The following ATRN variants were observed in gnomAD, a reference collection of about 807,000 sequenced individuals.
The protein encoded by ATRN is attractin.
In ATRN, 54 loss-of-function variants were observed where a neutral mutation model predicts 178.7. The ratio of observed to expected loss-of-function variants is 0.30; its 90% CI spans 0.24 to 0.38. The LOEUF (loss-of-function observed/expected upper bound fraction) is 0.38, where lower values mean the gene tolerates loss of function less well. ATRN is among the 10% of genes least tolerant of loss of function. The probability of loss-of-function intolerance (pLI) is 1.00; values close to 1 mark genes in which losing one functional copy is unlikely to be tolerated. For synonymous variants in ATRN, 636 were observed against 663.0 expected (o/e 0.96, Z 0.63); for missense variants, 1,443 against 1,815.1 (o/e 0.79, Z 3.73).
At chr20:3,562,623 G>C (rs2085971374) in intron 9 of ATRN, among the ~76,000 whole-genome samples, 164 bp downstream of exon 9, 1 of 152,202 alleles carries the variant, frequency 6.6e-6, no homozygotes, top group South Asian at 2.1e-4. Flanking sequence ...AAAGTAGCTA[G>C]TATTTATTTT....
intron 1 of ATRN, among the ~76,000 whole-genome samples, chr20:3,477,706 G>A (rs1024311857): frequency 2.0e-5 from 3 of 151,922 alleles, no homozygotes; most frequent in Non-Finnish European, 4.4e-5. Context: ...CCAGTGCAAT[G>A]TAAGTTCCAT....
intron 25 of ATRN, among the ~76,000 whole-genome samples, chr20:3,628,682 A>G (rs965500846): frequency 1.5e-4 from 23 of 152,026 alleles, no homozygotes; most frequent in Admixed American, 6.6e-5. Flanking sequence ...GAGGCTGGGA[A>G]TGTAACCCCA....
intron 1 of ATRN, chr20:3,489,724 A>G (rs2084756853): frequency 3.8e-6 from 6 of 1,574,192 alleles, no homozygotes; most frequent in Admixed American, 1.7e-5. Context: ...GGGATGCCCA[A>G]ACACCTCATG....
chr20:3,640,569 A>G (rs1439589073), intron 27 of ATRN, among the ~76,000 whole-genome samples: 7 of 152,252 alleles, frequency 4.6e-5, no homozygotes, highest in Non-Finnish European at 1.0e-4. Flanking sequence ...TCATAATGAA[A>G]TTGTATAACT....
intron 23 of ATRN, among the ~76,000 whole-genome samples, chr20:3,602,170 A>C (rs1432400606): frequency 1.3e-5 from 2 of 151,980 alleles, no homozygotes; most frequent in Non-Finnish European, 2.9e-5. Context: ...TCTCTACTAA[A>C]AATACAAAAA....
intron 11 of ATRN, 79 bp from the exon 12 acceptor site, chr20:3,572,652 T>TA (rs11475024): frequency 5.8e-3 from 5,945 of 1,032,254 alleles, no homozygotes; most frequent in Non-Finnish European, 7.1e-3. Flanking sequence ...CCCTGTCTCT[T>TA]AAAAAAAAAA....
intron 25 of ATRN, among the ~76,000 whole-genome samples, chr20:3,630,799 C>T (rs374092095): frequency 4.0e-4 from 61 of 151,508 alleles, no homozygotes; most frequent in African/African-American, 1.4e-3. Context: ...TTTTTCTAGA[C>T]GATGTTTACT....
At chr20:3,623,466 A>G (rs2086912621) in intron 24 of ATRN, among the ~76,000 whole-genome samples, 1 of 152,214 alleles carries the variant, frequency 6.6e-6, no homozygotes, top group Non-Finnish European at 1.5e-5. Context: ...GCCATCAAAA[A>G]AGCAAACAGT....
At chr20:3,597,580 CA>C (rs1568754669) in intron 21 of ATRN, among the ~76,000 whole-genome samples, 1 of 152,112 alleles carries the variant, frequency 6.6e-6, no homozygotes, top group Non-Finnish European at 1.5e-5. Flanking sequence ...TGGTTAAACA[CA>C]TGAAAAAAAC....
intron 3 of ATRN, among the ~76,000 whole-genome samples, chr20:3,541,038 AAAC>A (rs2085611366): frequency 6.6e-6 from 1 of 150,946 alleles, no homozygotes; most frequent in Admixed American, 6.6e-5. Context: ...TTGGAATTCA[AAAC>A]TATCTCTAGT....
intron 24 of ATRN, among the ~76,000 whole-genome samples, chr20:3,622,841 G>C (rs578188863): frequency 6.6e-6 from 1 of 152,334 alleles, no homozygotes; most frequent in South Asian, 2.1e-4. Context: ...CATGAACATG[G>C]AGTGGTCCTG....
intron 18 of ATRN, among the ~76,000 whole-genome samples, chr20:3,585,737 A>C (rs1472690735): frequency 6.6e-6 from 1 of 152,242 alleles, no homozygotes; most frequent in East Asian, 1.9e-4. Flanking sequence ...TAACTCTTAA[A>C]ACTCAACAAT....
chr20:3,582,378 G>A lies in ATRN; in HGVS notation c.2764+24G>A, dbSNP rs775867458. 41 of 1,601,702 alleles carry A rather than the reference G, an allele frequency of 2.6e-5. No individual in the cohort carries two copies. The South Asian group carries it at 4.3e-4, about 17-fold the overall frequency. On this transcript the variant is annotated intron_variant, in intron 16 of 28. Coordinates refer to ENST00000262919, the MANE Select transcript of ATRN (RefSeq NM_139321.3). ...TGGTAAGTTCACAGGTGAATTAGGT[G>A]GTATTCAGAGTTTATTGTGAGAGAA...
intron 18 of ATRN, among the ~76,000 whole-genome samples, chr20:3,589,623 C>T (rs1300317354): frequency 6.6e-6 from 1 of 152,038 alleles, no homozygotes; most frequent in Non-Finnish European, 1.5e-5. Flanking sequence ...GGTTAATCCT[C>T]AAGGTTAATT....
chr20:3,601,687 A>G (rs1217090604), intron 23 of ATRN, among the ~76,000 whole-genome samples: 1 of 119,046 alleles, frequency 8.4e-6, no homozygotes, highest in Admixed American at 9.9e-5. Context: ...ACATAGTGAG[A>G]CCCTGTCTAC....
intron 1 of ATRN, among the ~76,000 whole-genome samples, chr20:3,485,477 A>G (rs559996102): frequency 1.3e-5 from 2 of 152,210 alleles, no homozygotes; most frequent in African/African-American, 4.8e-5. Flanking sequence ...TTCATCTGTT[A>G]ATGTGGTAAA....
chr20:3,614,426 A>G (rs995717289), intron 24 of ATRN, among the ~76,000 whole-genome samples: 1 of 152,178 alleles, frequency 6.6e-6, no homozygotes, highest in Non-Finnish European at 1.5e-5. Context: ...TGGAGCTAAT[A>G]TAGAAGTCTG....
At chr20:3,585,116 C>T (rs577751684) in intron 18 of ATRN, among the ~76,000 whole-genome samples, 1 of 152,288 alleles carries the variant, frequency 6.6e-6, no homozygotes, top group South Asian at 2.1e-4. Flanking sequence ...TTGATTCAGA[C>T]TTGAAGTGAC....
At chr20:3,505,974 T>C (rs756790661) in intron 1 of ATRN, among the ~76,000 whole-genome samples, 9 of 152,152 alleles carry the variant, frequency 5.9e-5, no homozygotes, top group Non-Finnish European at 1.0e-4. Context: ...ATCCTTATAG[T>C]GTTGAAACTA....
Sources: allele counts gnomAD v4.1 joint callset (sites outside exome capture counted in the v4.1 genomes callset), GRCh38; gene constraint gnomAD v4.1.1; transcripts MANE v1.5; gene names NCBI Gene and HGNC (gene_info 2026-07-23, HGNC 2026-07-21).